The following SAMMSON variants were observed in gnomAD, a reference collection of about 807,000 sequenced individuals.
SAMMSON encodes the protein long intergenic non-protein coding RNA 1212.
intron 4 of SAMMSON, among the ~76,000 whole-genome samples, chr3:70,233,554 ATGTGT>A (rs1701581101): frequency 6.6e-6 from 1 of 152,208 alleles, no homozygotes; most frequent in Admixed American, 6.5e-5. Flanking sequence ...CTTTTGACAT[ATGTGT>A]GCACCAAGAA....
chr3:70,283,528 G>A (rs1017194019), intron 6 of SAMMSON: 3 of 152,030 alleles, frequency 2.0e-5, no homozygotes, highest in Non-Finnish European at 4.4e-5. Context: ...GACAGAACTG[G>A]GTTGAAATCA....
intron 7 of SAMMSON, among the ~76,000 whole-genome samples, chr3:70,346,612 A>C (rs1702752631): frequency 6.6e-6 from 1 of 152,160 alleles, no homozygotes; most frequent in Non-Finnish European, 1.5e-5. Context: ...TCTCAAACAG[A>C]AATACCTAAA....
chr3:70,040,151 A>G (rs575971819), intron 3 of SAMMSON, among the ~76,000 whole-genome samples: 5 of 152,298 alleles, frequency 3.3e-5, no homozygotes, highest in East Asian at 3.9e-4. Flanking sequence ...GTCCACATCT[A>G]TATGATAAAT....
intron 4 of SAMMSON, among the ~76,000 whole-genome samples, chr3:70,151,893 A>G (rs1026854843): frequency 2.1e-4 from 32 of 152,140 alleles, no homozygotes; most frequent in Non-Finnish European, 8.8e-5. Flanking sequence ...ATTTTTAAAC[A>G]TAAGTTTGTT....
At chr3:70,267,212 T>G (rs973029770) in intron 6 of SAMMSON, among the ~76,000 whole-genome samples, 10 of 152,066 alleles carry the variant, frequency 6.6e-5, no homozygotes, top group Non-Finnish European at 1.5e-4. Context: ...TTTTAGACAG[T>G]AAAAGAAGTC....
chr3:70,188,840 T>C (rs1287075176), intron 4 of SAMMSON, among the ~76,000 whole-genome samples: 1 of 152,226 alleles, frequency 6.6e-6, no homozygotes, highest in Non-Finnish European at 1.5e-5. Flanking sequence ...GACTGGTAAA[T>C]GGTGGTGACG....
intron 4 of SAMMSON, among the ~76,000 whole-genome samples, chr3:70,101,221 G>A (rs1401842217): frequency 6.6e-6 from 1 of 152,130 alleles, no homozygotes; most frequent in Admixed American, 6.6e-5. Context: ...AGATAAATGA[G>A]TAGTGCTATC....
chr3:70,035,515 T>C (rs2067082150), intron 3 of SAMMSON, among the ~76,000 whole-genome samples: 1 of 152,158 alleles, frequency 6.6e-6, no homozygotes. Context: ...GGTGGCCATT[T>C]TAGAATTCTG....
intron 9 of SAMMSON, among the ~76,000 whole-genome samples, chr3:70,363,611 T>C (rs1331351224): frequency 6.6e-6 from 1 of 151,944 alleles, no homozygotes; most frequent in Non-Finnish European, 1.5e-5. Context: ...TGCATGAACA[T>C]TTTTTGGGTG....
intron 4 of SAMMSON, among the ~76,000 whole-genome samples, chr3:70,114,289 T>C (rs2067401423): frequency 6.6e-6 from 1 of 152,176 alleles, no homozygotes; most frequent in Non-Finnish European, 1.5e-5. Context: ...TTGCAATGAG[T>C]AGATTACCCC....
At chr3:70,005,942 T>G (rs182603830) in intron 1 of SAMMSON, among the ~76,000 whole-genome samples, 1 of 152,328 alleles carries the variant, frequency 6.6e-6, no homozygotes, top group East Asian at 1.9e-4. Flanking sequence ...GAAACTTGCT[T>G]CATAATCAAG....
At chr3:70,342,816 A>G (rs1454064893) in intron 7 of SAMMSON, among the ~76,000 whole-genome samples, 1 of 152,130 alleles carries the variant, frequency 6.6e-6, no homozygotes, top group African/African-American at 2.4e-5. Context: ...GGTCTCTTTC[A>G]TCTTTGAATT....
rs369787613 is a variant in SAMMSON at position 70,053,927 on chromosome 3, A to G, written n.418-17549A>G. On this transcript the variant is annotated intron_variant and non_coding_transcript_variant, in intron 3 of 9. Coordinates refer to ENST00000642114, the Ensembl canonical transcript of SAMMSON. ...CACAAAAATACTCTGAGAAGTAAAT[A>G]TTTAATATTTCACACTCATTGCCTT... Among the ~76,000 whole-genome samples, 9 of 152,248 alleles carry G rather than the reference A, an allele frequency of 5.9e-5. No homozygotes were observed. In the South Asian group the frequency reaches 1.9e-3, roughly 32 times the overall value.
chr3:70,256,109 TAAC>T (rs1051286196), intron 6 of SAMMSON, among the ~76,000 whole-genome samples: 2 of 152,216 alleles, frequency 1.3e-5, no homozygotes, highest in African/African-American at 4.8e-5. Context: ...GAGCAAGAAC[TAAC>T]AAGGTCAAAT....
rs538748919 is a variant in SAMMSON at position 70,036,631 on chromosome 3, A to G, written n.417+22959A>G. On this transcript the variant is annotated intron_variant and non_coding_transcript_variant, in intron 3 of 9. Transcript: ENST00000642114. ...GAGAGGAAATAGGTCTGCTATAGCC[A>G]TGTGACTGCCACTGTGGGAGAACCT... is the stretch of plus-strand genomic sequence containing the variant. 4.3e-4 allele frequency among the ~76,000 whole-genome samples: 66 copies of G among 152,274 alleles called. No individual in the cohort carries two copies. In the South Asian group the frequency reaches 5.0e-3, roughly 11 times the overall value.
intron 2 of SAMMSON, among the ~76,000 whole-genome samples, chr3:70,399,291 G>T (rs1255702159): frequency 1.3e-5 from 2 of 152,134 alleles, no homozygotes; most frequent in Non-Finnish European, 2.9e-5. Context: ...TTGTTTAAAT[G>T]ATCTGAATCC....
At chr3:70,425,400 A>ATTATTTATTTATTTAT (rs140781474) in intron 2 of SAMMSON, among the ~76,000 whole-genome samples, 78 of 150,684 alleles carry the variant, frequency 5.2e-4, no homozygotes, top group African/African-American at 1.9e-3. Flanking sequence ...CTATTTTTTT[A>ATTATTTATTTATTTAT]TTATTTATTT....
At chr3:70,051,444 T>G (rs1469520931) in intron 3 of SAMMSON, among the ~76,000 whole-genome samples, 1 of 145,194 alleles carries the variant, frequency 6.9e-6, no homozygotes, top group Non-Finnish European at 1.5e-5. Flanking sequence ...TTTTTGCCAT[T>G]CTAATGGCAA....
chr3:70,078,480 G>A (rs184580187), intron 4 of SAMMSON, among the ~76,000 whole-genome samples: 1 of 152,188 alleles, frequency 6.6e-6, no homozygotes, highest in East Asian at 1.9e-4. Flanking sequence ...TTTGAAATTA[G>A]CTGTTCTGTA....
Sources: allele counts gnomAD v4.1 joint callset (sites outside exome capture counted in the v4.1 genomes callset), GRCh38; gene constraint gnomAD v4.1.1; transcripts MANE v1.5; gene names NCBI Gene and HGNC (gene_info 2026-07-23, HGNC 2026-07-21).